Variants in DDX10 observed in about 807,000 individuals in gnomAD.
The protein encoded by DDX10 is DEAD-box helicase 10.
DDX10 carries 74 observed loss-of-function variants against 104.3 expected under a neutral mutation model. The observed-to-expected ratio is 0.71, with a 90% confidence interval of 0.59 to 0.86. DDX10 has a LOEUF of 0.86. Ranked by LOEUF, DDX10 falls within the 40% of genes least tolerant of loss-of-function variation. The probability of loss-of-function intolerance (pLI) is 0.00; values close to 1 mark genes in which losing one functional copy is unlikely to be tolerated. For synonymous variants in DDX10, 351 were observed against 353.4 expected, an observed-to-expected ratio of 0.99 and a Z score of 0.08; for missense variants, 952 against 1,040.0, an observed-to-expected ratio of 0.92 and a Z score of 1.16.
chr11:108,692,611 ATTG>A (rs1041677074), intron 8 of DDX10, among the ~76,000 whole-genome samples: 53 of 152,322 alleles, frequency 3.5e-4, no homozygotes, highest in African/African-American at 1.2e-3. Flanking sequence ...ATTTTATTGT[ATTG>A]TTAATTACAG....
At chr11:108,920,609 A>G (rs1863811076) in intron 17 of DDX10, 1 of 152,226 alleles carries the variant, frequency 6.6e-6, no homozygotes, top group South Asian at 2.1e-4. Context: ...GGGACAGATC[A>G]GTGTGATCTT....
At chr11:108,866,567 A>C (rs917285956) in intron 16 of DDX10, among the ~76,000 whole-genome samples, 1 of 152,086 alleles carries the variant, frequency 6.6e-6, no homozygotes, top group Non-Finnish European at 1.5e-5. Flanking sequence ...ATATTAGGAG[A>C]GATGAGCCAA....
chr11:108,708,710 G>A (rs547449464), intron 10 of DDX10, among the ~76,000 whole-genome samples: 1 of 152,068 alleles, frequency 6.6e-6, no homozygotes, highest in Non-Finnish European at 1.5e-5. Context: ...TAGAATTACA[G>A]GCATGTGCCA....
intron 13 of DDX10, among the ~76,000 whole-genome samples, chr11:108,766,986 T>TG (rs1348026283): frequency 2.0e-5 from 3 of 152,166 alleles, no homozygotes. Context: ...AGATGCTAAT[T>TG]GATGTCTTTT....
At chr11:108,817,473 C>T (rs1310961124) in intron 13 of DDX10, among the ~76,000 whole-genome samples, 1 of 152,174 alleles carries the variant, frequency 6.6e-6, no homozygotes, top group Non-Finnish European at 1.5e-5. Flanking sequence ...AAGGCCTTTC[C>T]TATTTTTCTA....
At chr11:108,710,469 A>T (rs1217306006) in intron 10 of DDX10, among the ~76,000 whole-genome samples, 3 of 151,114 alleles carry the variant, frequency 2.0e-5, no homozygotes, top group Non-Finnish European at 4.4e-5. Context: ...TTTTAAATGG[A>T]GCCTAGGCCT....
At chr11:108,744,650 A>G (rs2094329204) in intron 13 of DDX10, among the ~76,000 whole-genome samples, 2 of 152,182 alleles carry the variant, frequency 1.3e-5, no homozygotes, top group South Asian at 2.1e-4. Flanking sequence ...TATTATGGAT[A>G]TATTACTGTC....
intron 1 of DDX10, among the ~76,000 whole-genome samples, chr11:108,668,874 G>C (rs2094213483): frequency 1.3e-5 from 2 of 152,068 alleles, no homozygotes; most frequent in Non-Finnish European, 1.5e-5. Flanking sequence ...GTAATTAGGG[G>C]AAGTTGAGTT....
chr11:108,767,695 A>T (rs2094357907), intron 13 of DDX10, among the ~76,000 whole-genome samples: 1 of 152,150 alleles, frequency 6.6e-6, no homozygotes, highest in African/African-American at 2.4e-5. Flanking sequence ...TTAACTCATG[A>T]TTTAGTACAT....
At chr11:108,697,116 G>A (rs12225174) in intron 9 of DDX10, among the ~76,000 whole-genome samples, 18,700 of 151,876 alleles carry the variant, frequency 0.12, 1,564 homozygotes, top group East Asian at 0.27. Flanking sequence ...TAGTATGGTC[G>A]TTAACTTTTA....
At chr11:108,899,826 G>A (rs1296008137) in intron 16 of DDX10, among the ~76,000 whole-genome samples, 1 of 152,076 alleles carries the variant, frequency 6.6e-6, no homozygotes, top group Non-Finnish European at 1.5e-5. Context: ...AAAATGTGTA[G>A]TACCGTGTCA....
intron 5 of DDX10, among the ~76,000 whole-genome samples, chr11:108,679,105 C>T (rs1467269727): frequency 2.0e-5 from 3 of 152,056 alleles, no homozygotes; most frequent in Admixed American, 6.6e-5. Context: ...GATCTGCCCA[C>T]CTTGGCCTCC....
chr11:108,867,622 C>T (rs1229526082), intron 16 of DDX10, among the ~76,000 whole-genome samples: 2 of 152,192 alleles, frequency 1.3e-5, no homozygotes. Flanking sequence ...CACACCCATA[C>T]ACACTAATTT....
At chr11:108,790,377 A>G (rs1861853951) in intron 13 of DDX10, among the ~76,000 whole-genome samples, 1 of 152,220 alleles carries the variant, frequency 6.6e-6, no homozygotes, top group African/African-American at 2.4e-5. Flanking sequence ...GTATTAAAGC[A>G]TACTTTTCAG....
intron 16 of DDX10, among the ~76,000 whole-genome samples, chr11:108,870,726 C>T (rs1863069001): frequency 6.6e-6 from 1 of 152,124 alleles, no homozygotes; most frequent in Non-Finnish European, 1.5e-5. Flanking sequence ...TTCTCTCTAC[C>T]AGGCAATATA....
rs140886701 is a variant in DDX10, at chr11:108,723,293, C to G, written c.1796C>G (p.Ala599Gly). 70 of 1,613,662 alleles carry G rather than the reference C, an allele frequency of 4.3e-5. No homozygotes were observed. In the African/African-American group the frequency reaches 8.5e-4, roughly 20 times the overall value. The part of the protein sequence containing the change: ...EEEMEEKLAK[A>G]KGSQAPSLPN... The stretch of plus-strand genomic sequence containing the variant: ...GAAATGGAAGAGAAACTGGCAAAAG[C>G]AAAAGGATCTCAAGCCCCATCTCTT... The change falls in exon 13 of 18, where the codon GCA becomes GGA. Residue 599 changes from alanine (A) to glycine (G), a missense_variant. Around this residue, in one of 3 missense-constraint regions of DDX10, gnomAD observed 533 missense variants for 534.1 expected, o/e 1.00. Transcript: ENST00000322536.
At chr11:108,853,871 A>G (rs962154382) in intron 16 of DDX10, among the ~76,000 whole-genome samples, 1 of 152,200 alleles carries the variant, frequency 6.6e-6, no homozygotes, top group Non-Finnish European at 1.5e-5. Flanking sequence ...ACCACTAAGC[A>G]TCGGACTAAG....
chr11:108,824,105 C>T (rs1395192906), intron 13 of DDX10, among the ~76,000 whole-genome samples: 1 of 152,124 alleles, frequency 6.6e-6, no homozygotes, highest in Non-Finnish European at 1.5e-5. Flanking sequence ...TGCAATGGCG[C>T]AATCTTGGCT....
chr11:108,753,239 C>G (rs143899677), intron 13 of DDX10, among the ~76,000 whole-genome samples: 1 of 152,102 alleles, frequency 6.6e-6, no homozygotes, highest in African/African-American at 2.4e-5. Flanking sequence ...TACATAATTA[C>G]TTGAATGCTT....
Sources: allele counts gnomAD v4.1 joint callset (sites outside exome capture counted in the v4.1 genomes callset), GRCh38; gene constraint gnomAD v4.1.1; regional missense constraint gnomAD v4.1.1; transcripts MANE v1.5; gene names NCBI Gene and HGNC (gene_info 2026-07-23, HGNC 2026-07-21).